RNF220: variants seen among roughly 807,000 people sequenced by gnomAD.
The protein encoded by RNF220 is E3 ubiquitin-protein ligase RNF220.
In RNF220, 7 loss-of-function variants were observed where a neutral mutation model predicts 67.1. That is an observed-to-expected ratio of 0.10 (90% CI 0.06 to 0.20). The LOEUF (loss-of-function observed/expected upper bound fraction) is 0.20. RNF220 is among the 10% of genes least tolerant of loss of function. RNF220 has a pLI of 1.00. For missense variants in RNF220, 565 were observed against 740.3 expected, an observed-to-expected ratio of 0.76 and a Z score of 2.75; for synonymous variants, 270 against 283.2, an observed-to-expected ratio of 0.95 and a Z score of 0.47.
chr1:44,425,757 T>C (rs566136049), intron 2 of RNF220, among the ~76,000 whole-genome samples: 43 of 152,336 alleles, frequency 2.8e-4, no homozygotes, highest in Admixed American at 6.5e-4. Flanking sequence ...TGTTTTGTAA[T>C]CTAAAAGTAA....
intron 2 of RNF220, among the ~76,000 whole-genome samples, chr1:44,460,006 G>A (rs1653604879): frequency 6.6e-6 from 1 of 152,208 alleles, no homozygotes; most frequent in African/African-American, 2.4e-5. Flanking sequence ...ACACTGGTGT[G>A]TGTGGGAGAG....
rs911501548 is a variant in RNF220 at position 44,417,267 on chromosome 1, G to A, written c.625+4545G>A. Among the ~76,000 whole-genome samples the A allele has an allele frequency of 6.6e-6, 1 of 152,162 alleles. No individual in the cohort carries two copies. Among genetic ancestry groups the A allele is most frequent in the Non-Finnish European group, 1.5e-5 (1 of 68,028 alleles). On this transcript the variant is annotated intron_variant, in intron 2 of 14. Transcript: ENST00000361799. This position sits in a 1 kb window ranked among gnomAD's most constrained non-coding sequence, Gnocchi z 4.0. The stretch of plus-strand genomic sequence containing the variant: ...GCTCCCGGGTTCTCCCCTACTCCCC[G>A]GGGGCAAGAACTCCTGTGATGTGTG...
At chr1:44,590,804 T>A (rs1666063307) in intron 2 of RNF220, among the ~76,000 whole-genome samples, 1 of 152,172 alleles carries the variant, frequency 6.6e-6, no homozygotes, top group Non-Finnish European at 1.5e-5. Context: ...AAAAGTGTAA[T>A]CACAATTAGG....
At chr1:44,526,957 C>G (rs1660426127) in intron 2 of RNF220, among the ~76,000 whole-genome samples, 1 of 152,046 alleles carries the variant, frequency 6.6e-6, no homozygotes, top group Admixed American at 6.6e-5. Flanking sequence ...TACTCCTGCT[C>G]ATTCTCCTTC....
intron 6 of RNF220, among the ~76,000 whole-genome samples, chr1:44,633,970 A>C (rs1644247902): frequency 1.3e-5 from 2 of 152,284 alleles, no homozygotes; most frequent in African/African-American, 4.8e-5. Flanking sequence ...ACTAGGACAC[A>C]GTCATGTCAC....
chr1:44,648,321 A>G (rs934859840), intron 12 of RNF220: 1 of 152,248 alleles, frequency 6.6e-6, no homozygotes, highest in Non-Finnish European at 1.5e-5. Flanking sequence ...TAAGGTGTAA[A>G]TAAGATAATT....
intron 2 of RNF220, among the ~76,000 whole-genome samples, chr1:44,452,117 T>G (rs551741335): frequency 6.6e-6 from 1 of 152,366 alleles, no homozygotes; most frequent in East Asian, 1.9e-4. Context: ...CATCATCCTT[T>G]TCCTACTGAT....
At chr1:44,619,219 C>T (rs1643690311) in intron 3 of RNF220, among the ~76,000 whole-genome samples, 1 of 152,116 alleles carries the variant, frequency 6.6e-6, no homozygotes. Context: ...CTTGGTGGGG[C>T]CTGAACTTAG....
At chr1:44,502,531 A>T (rs1658019815) in intron 2 of RNF220, among the ~76,000 whole-genome samples, 1 of 152,230 alleles carries the variant, frequency 6.6e-6, no homozygotes, top group African/African-American at 2.4e-5. Context: ...TAATTTGCTC[A>T]GCATTCCTTG....
At chr1:44,448,455 A>G (rs754932170) in intron 2 of RNF220, among the ~76,000 whole-genome samples, 3 of 152,226 alleles carry the variant, frequency 2.0e-5, no homozygotes, top group Non-Finnish European at 4.4e-5. Flanking sequence ...GATAAGGGCA[A>G]TATCATGTGG....
intron 2 of RNF220, among the ~76,000 whole-genome samples, chr1:44,610,211 C>G (rs999278940): frequency 6.6e-6 from 1 of 152,250 alleles, no homozygotes; most frequent in African/African-American, 2.4e-5. Flanking sequence ...CAGGCGCTGT[C>G]AGACCTCTGG....
intron 6 of RNF220, among the ~76,000 whole-genome samples, chr1:44,634,115 G>A (rs1045827787): frequency 2.0e-5 from 3 of 152,234 alleles, no homozygotes; most frequent in African/African-American, 4.8e-5. Flanking sequence ...CTGTTTTGGA[G>A]TTGGAGTAGC....
At chr1:44,406,756 G>T (rs1000730781) in intron 1 of RNF220, among the ~76,000 whole-genome samples, 2 of 151,824 alleles carry the variant, frequency 1.3e-5, no homozygotes, top group African/African-American at 4.8e-5. Context: ...CTTTGTAAGA[G>T]AAAGCCTTTT....
chr1:44,548,213 C>G (rs1662331280), intron 2 of RNF220, among the ~76,000 whole-genome samples: 1 of 152,184 alleles, frequency 6.6e-6, no homozygotes, highest in Non-Finnish European at 1.5e-5. Context: ...CTGTAGCTCA[C>G]TTATACTGTC....
rs1216309837 is a variant in RNF220, at chr1:44,600,973, A to C, written c.626-13192A>C. ...TGAACAAGGCAAATATCTATATTAC[A>C]GGCTCCCACAGCACTGTTGACCTCT... On this transcript the variant is annotated intron_variant, in intron 2 of 14. Coordinates refer to ENST00000361799, the MANE Select transcript of RNF220 (RefSeq NM_018150.4). The surrounding 1 kb of genome is among the most constrained non-coding windows in gnomAD (Gnocchi z 4.0). 1.3e-5 allele frequency among the ~76,000 whole-genome samples: 2 copies of C among 152,198 alleles called. No homozygotes were observed. Among genetic ancestry groups the C allele is most frequent in the African/African-American group, 2.4e-5 (1 of 41,446 alleles).
chr1:44,435,037 A>C (rs1025615217), intron 2 of RNF220, among the ~76,000 whole-genome samples: 8 of 151,786 alleles, frequency 5.3e-5, no homozygotes, highest in African/African-American at 1.9e-4. Flanking sequence ...TTAAAAAAAA[A>C]AAAAAGACGA....
chr1:44,492,138 A>G (rs929005838), intron 2 of RNF220, among the ~76,000 whole-genome samples: 2 of 152,240 alleles, frequency 1.3e-5, no homozygotes, highest in African/African-American at 4.8e-5. Context: ...AAGAAGATGT[A>G]TGAATACTTG....
chr1:44,641,869 C>T (rs1644498601), intron 8 of RNF220, among the ~76,000 whole-genome samples: 1 of 152,206 alleles, frequency 6.6e-6, no homozygotes, highest in Non-Finnish European at 1.5e-5. Context: ...TTTTCTTTGG[C>T]AAACAAAGTG....
intron 2 of RNF220, among the ~76,000 whole-genome samples, chr1:44,560,248 G>A (rs1401854923): frequency 6.6e-6 from 1 of 152,184 alleles, no homozygotes; most frequent in Non-Finnish European, 1.5e-5. Context: ...CTGATGGAGT[G>A]AGTGAAAATT....
Sources: allele counts gnomAD v4.1 joint callset (sites outside exome capture counted in the v4.1 genomes callset), GRCh38; gene constraint gnomAD v4.1.1; non-coding constraint Gnocchi (gnomAD v3.1); transcripts MANE v1.5; gene names NCBI Gene and HGNC (gene_info 2026-07-23, HGNC 2026-07-21).